Variants in TENM2 observed in about 807,000 individuals in gnomAD.
The protein encoded by TENM2 is teneurin-2.
In TENM2, 52 loss-of-function variants were observed where a neutral mutation model predicts 245.2. That is an observed-to-expected ratio of 0.21 (90% CI 0.17 to 0.27). The LOEUF (loss-of-function observed/expected upper bound fraction) is 0.27. TENM2 is among the 10% of genes least tolerant of loss of function. TENM2 has a pLI of 1.00. For missense variants in TENM2, 3,046 were observed against 3,666.8 expected, an observed-to-expected ratio of 0.83 and a Z score of 4.37; for synonymous variants, 1,363 against 1,438.9, an observed-to-expected ratio of 0.95 and a Z score of 1.19.
chr5:167,437,300 C>T (rs928739463), intron 2 of TENM2, among the ~76,000 whole-genome samples: 4 of 152,140 alleles, frequency 2.6e-5, no homozygotes, highest in South Asian at 4.1e-4. Context: ...GACTGCCCTG[C>T]CAGATTTCGG....
At chr5:167,714,359 A>G (rs150760113) in intron 2 of TENM2, among the ~76,000 whole-genome samples, 8 of 152,314 alleles carry the variant, frequency 5.3e-5, no homozygotes, top group Admixed American at 2.6e-4. Context: ...ACCCTTCCCT[A>G]TAGATCTTAT....
chr5:167,200,068 C>T, the TENM2 span, among the ~76,000 whole-genome samples: 5,579 of 152,100 alleles, frequency 0.037, 351 homozygotes, highest in African/African-American at 0.13. Context: ...CCCACTGCTT[C>T]GGATGAGGAT....
chr5:167,645,576 T>G (rs1023831122), intron 2 of TENM2, among the ~76,000 whole-genome samples: 1 of 150,966 alleles, frequency 6.6e-6, no homozygotes, highest in Non-Finnish European at 1.5e-5. Context: ...GAATTTGTTC[T>G]TTCTAGTTTT....
chr5:167,512,890 A>G (rs772965187), intron 2 of TENM2, among the ~76,000 whole-genome samples: 8 of 152,190 alleles, frequency 5.3e-5, no homozygotes, highest in Admixed American at 1.3e-4. Flanking sequence ...TCTTTGAAGC[A>G]GGGATGATAA....
intron 4 of TENM2, among the ~76,000 whole-genome samples, chr5:167,964,930 T>C (rs1449523676): frequency 6.6e-6 from 1 of 152,172 alleles, no homozygotes; most frequent in Non-Finnish European, 1.5e-5. Flanking sequence ...TAAGATACAC[T>C]CTGCTTTTTG....
chr5:167,289,393 C>G (rs1005408939), intron 1 of TENM2, among the ~76,000 whole-genome samples: 11 of 152,148 alleles, frequency 7.2e-5, no homozygotes, highest in Admixed American at 2.0e-4. Flanking sequence ...TCAAGTCTCT[C>G]GAGAGGGGGC....
chr5:168,060,725 A>G (rs1052564871), intron 6 of TENM2, among the ~76,000 whole-genome samples: 17 of 152,228 alleles, frequency 1.1e-4, no homozygotes, highest in African/African-American at 4.1e-4. Context: ...GAAAAACTTT[A>G]TATCTTCAAA....
chr5:167,398,724 G>A (rs1762210963), intron 2 of TENM2, among the ~76,000 whole-genome samples: 1 of 152,088 alleles, frequency 6.6e-6, no homozygotes, highest in Non-Finnish European at 1.5e-5. Context: ...ACAGGCGTGA[G>A]GTGCTAGGAT....
At chr5:167,162,202 T>A in the TENM2 span, among the ~76,000 whole-genome samples, 6 of 150,770 alleles carry the variant, frequency 4.0e-5, no homozygotes, top group African/African-American at 1.5e-4. Flanking sequence ...ACTGACTAAA[T>A]ACCTCTTCTC....
At chr5:167,204,968 A>G in the TENM2 span, among the ~76,000 whole-genome samples, 1 of 152,246 alleles carries the variant, frequency 6.6e-6, no homozygotes, top group Non-Finnish European at 1.5e-5. Flanking sequence ...CTTGAGCTCC[A>G]GTCTTCTCAT....
chr5:167,909,743 A>T (rs928517371), intron 3 of TENM2, among the ~76,000 whole-genome samples: 2 of 152,212 alleles, frequency 1.3e-5, no homozygotes, highest in Non-Finnish European at 2.9e-5. Context: ...TACCATGCAA[A>T]TCAAAAATAA....
At chr5:167,924,523 G>A (rs569342684) in intron 3 of TENM2, among the ~76,000 whole-genome samples, 4 of 152,300 alleles carry the variant, frequency 2.6e-5, no homozygotes, top group South Asian at 4.2e-4. Flanking sequence ...ACATAGGTTA[G>A]CACTTCTTTC....
At chr5:167,327,986 G>A (rs1581754284) in intron 1 of TENM2, among the ~76,000 whole-genome samples, 1 of 152,148 alleles carries the variant, frequency 6.6e-6, no homozygotes, top group Non-Finnish European at 1.5e-5. Context: ...TAGTGAGAGT[G>A]CAGATGGATG....
At chr5:167,044,287 T>C in the TENM2 span, among the ~76,000 whole-genome samples, 2 of 152,060 alleles carry the variant, frequency 1.3e-5, no homozygotes, top group African/African-American at 2.4e-5. Context: ...GTCAGGGAGA[T>C]TGAAGTATCA....
At chr5:167,016,805 T>C in the TENM2 span, among the ~76,000 whole-genome samples, 2 of 152,194 alleles carry the variant, frequency 1.3e-5, no homozygotes, top group African/African-American at 4.8e-5. Flanking sequence ...AACAGTTAGA[T>C]GATGGCTGCC....
chr5:167,994,940 A>C (rs1220749716), intron 5 of TENM2, among the ~76,000 whole-genome samples: 1 of 152,200 alleles, frequency 6.6e-6, no homozygotes, highest in Admixed American at 6.5e-5. Flanking sequence ...GTGGCTGTTC[A>C]GGGGGCTCCG....
At chr5:167,161,906 C>T in the TENM2 span, among the ~76,000 whole-genome samples, 26 of 152,102 alleles carry the variant, frequency 1.7e-4, no homozygotes, top group Non-Finnish European at 3.2e-4. Flanking sequence ...CAGTGGCTCA[C>T]ACCTGTAATC....
At chr5:167,031,753 C>CG in the TENM2 span, among the ~76,000 whole-genome samples, 1 of 152,036 alleles carries the variant, frequency 6.6e-6, no homozygotes, top group Non-Finnish European at 1.5e-5. Context: ...TTAGTAGAGA[C>CG]GGGGTTTCTC....
At chr5:167,530,190 TTATTA>T (rs1771397775) in intron 2 of TENM2, among the ~76,000 whole-genome samples, 1 of 152,220 alleles carries the variant, frequency 6.6e-6, no homozygotes, top group Non-Finnish European at 1.5e-5. Context: ...CTATTCATTT[TTATTA>T]TATTTTACAT....
Sources: gnomAD v4.1 joint callset for allele counts (sites outside exome capture counted in the v4.1 genomes callset) on GRCh38, gnomAD v4.1.1 for gene constraint, MANE v1.5 for transcripts, NCBI Gene and HGNC (gene_info 2026-07-23, HGNC 2026-07-21) for gene names.